Variants in NEK6 observed in about 807,000 individuals in gnomAD.
The protein encoded by NEK6 is NIMA related kinase 6, also known as serine/threonine-protein kinase Nek6.
A neutral mutation model predicts 43.5 loss-of-function variants in NEK6; 27 were observed. The ratio of observed to expected loss-of-function variants is 0.62; its 90% CI spans 0.46 to 0.86. The LOEUF (loss-of-function observed/expected upper bound fraction) is 0.86. Among genes scored for constraint, NEK6 ranks in the 40% least tolerant of loss-of-function variants. NEK6 has a pLI of 0.00. For synonymous variants in NEK6, 167 were observed against 164.1 expected, an observed-to-expected ratio of 1.02 and a Z score of -0.14; for missense variants, 318 against 414.4, an observed-to-expected ratio of 0.77 and a Z score of 2.02.
At chr9:124,284,948 G>T in intron 1 of NEK6, among the ~76,000 whole-genome samples, 1 of 152,242 alleles carries the variant, frequency 6.6e-6, no homozygotes, top group South Asian at 2.1e-4. Context: ...CATGGGGTGA[G>T]CCAGTGGACC....
intron 1 of NEK6, among the ~76,000 whole-genome samples, chr9:124,285,699 G>A (rs1453277019): frequency 2.0e-5 from 3 of 152,100 alleles, no homozygotes; most frequent in South Asian, 2.1e-4. Flanking sequence ...GGACAGAAAG[G>A]ACACGAGATA....
At chr9:124,346,364 G>A (rs1005871907) in intron 8 of NEK6, among the ~76,000 whole-genome samples, 3 of 152,148 alleles carry the variant, frequency 2.0e-5, no homozygotes, top group South Asian at 4.1e-4. Flanking sequence ...CCAAGCTGAC[G>A]GGCACCCTCA....
chr9:124,325,185 A>G (rs1182368629), intron 5 of NEK6, among the ~76,000 whole-genome samples: 1 of 151,548 alleles, frequency 6.6e-6, no homozygotes, highest in African/African-American at 2.4e-5. Context: ...AAAAAAAAAA[A>G]GAAGTGGGCT....
In NEK6 at chr9:124,350,851, C is replaced by T; in HGVS notation, c.846C>T (p.Val282=). 1 of 1,612,592 alleles carries T rather than the reference C, an allele frequency of 6.2e-7. No individual in the cohort carries two copies. The highest frequency in any genetic ancestry group is 8.5e-7 in the Non-Finnish European group (1 of 1,179,756). Residue 282 remains valine (V), a synonymous_variant, in exon 10 of 10, where the codon GTC becomes GTT. Transcript: ENST00000320246. ...CTCCCCTGCAGTTACGAGAACTGGTCAGCATGTGCATCTGCCCTGACCCCC... is the reference window on the plus strand; with the variant it reads ...CTCCCCTGCAGTTACGAGAACTGGTTAGCATGTGCATCTGCCCTGACCCCC... The part of the protein sequence containing the change: ...EHYSEKLREL[V]SMCICPDPHQ...
At chr9:124,283,270 A>T (rs1832004755) in intron 1 of NEK6, among the ~76,000 whole-genome samples, 2 of 152,204 alleles carry the variant, frequency 1.3e-5, no homozygotes, top group African/African-American at 4.8e-5. Flanking sequence ...TGAATGAGAG[A>T]GAGCATCTTG....
chr9:124,313,789 G>C, intron 3 of NEK6, 134 bp from the exon 4 acceptor site: 1 of 800,500 alleles, frequency 1.2e-6, no homozygotes, highest in South Asian at 1.6e-5. Context: ...GGGGCTGGGA[G>C]TGCAGGGGGG....
At chr9:124,340,838 C>CTT (rs1386733894) in intron 8 of NEK6, among the ~76,000 whole-genome samples, 2 of 152,246 alleles carry the variant, frequency 1.3e-5, no homozygotes, top group Admixed American at 6.5e-5. Flanking sequence ...ACTGTCGACT[C>CTT]TGAGGCTGAC....
At chr9:124,308,014 G>A (rs1265789520) in intron 2 of NEK6, among the ~76,000 whole-genome samples, 2 of 152,214 alleles carry the variant, frequency 1.3e-5, no homozygotes, top group Non-Finnish European at 2.9e-5. Flanking sequence ...CACGACTGGA[G>A]AATGACATGT....
In NEK6 at chr9:124,324,556, C is replaced by T. The variant is rs1056454514; in HGVS notation, c.406-1774C>T. ...GAAAATCACCACTCTCGGCCACGCG[C>T]GTCCCTGCTTAAATGCTGTAATGAG... On this transcript the variant is annotated intron_variant, in intron 5 of 9. Transcript: ENST00000320246. The surrounding 1 kb of genome is among the most constrained non-coding windows in gnomAD (Gnocchi z 5.3). 6.6e-6 allele frequency among the ~76,000 whole-genome samples: 1 copy of T among 152,174 alleles called. No homozygotes were observed. Among genetic ancestry groups the T allele is most frequent in the Non-Finnish European group, 1.5e-5 (1 of 68,028 alleles).
intron 1 of NEK6, among the ~76,000 whole-genome samples, chr9:124,263,757 G>A (rs1831123554): frequency 6.6e-6 from 1 of 152,196 alleles, no homozygotes; most frequent in African/African-American, 2.4e-5. Flanking sequence ...CTCCCAAAAC[G>A]GAAGGGAAGG....
At chr9:124,261,859 C>G (rs551349686) in intron 1 of NEK6, among the ~76,000 whole-genome samples, 2 of 152,096 alleles carry the variant, frequency 1.3e-5, no homozygotes, top group Non-Finnish European at 2.9e-5. Flanking sequence ...AGATCTTGTG[C>G]GAAGGCTCAG....
intron 1 of NEK6, among the ~76,000 whole-genome samples, chr9:124,290,428 G>A (rs1024067224): frequency 3.3e-5 from 5 of 152,254 alleles, no homozygotes; most frequent in South Asian, 2.1e-4. Context: ...AGTTGGGGCC[G>A]GCTGGTGGGA....
intron 1 of NEK6, chr9:124,293,159 C>G (rs760908936): frequency 2.2e-5 from 25 of 1,132,288 alleles, no homozygotes; most frequent in Non-Finnish European, 2.8e-5. Context: ...GATTAAAATG[C>G]AGACTTTGGA....
intron 7 of NEK6, 142 bp from the exon 8 acceptor site, chr9:124,339,429 G>T: frequency 1.4e-6 from 1 of 695,000 alleles, no homozygotes; most frequent in Non-Finnish European, 2.6e-6. Flanking sequence ...GAAGGCCCAG[G>T]CCCAGAGAGG....
chr9:124,270,568 T>C (rs768877881), intron 1 of NEK6, among the ~76,000 whole-genome samples: 3 of 152,230 alleles, frequency 2.0e-5, no homozygotes, highest in Non-Finnish European at 2.9e-5. Context: ...GCAATCTCTT[T>C]CCATCTGTCA....
intron 1 of NEK6, 155 bp downstream of exon 1, chr9:124,258,240 C>A: frequency 3.1e-6 from 3 of 982,570 alleles, no homozygotes; most frequent in Non-Finnish European, 3.6e-6. Flanking sequence ...CGAGTGTGGC[C>A]GCGCGGGGCT....
chr9:124,281,228 T>C (rs532939211), intron 1 of NEK6, among the ~76,000 whole-genome samples: 3 of 152,298 alleles, frequency 2.0e-5, no homozygotes, highest in Non-Finnish European at 2.9e-5. Flanking sequence ...ATTACCCTCA[T>C]GTTCACTGGA....
intron 1 of NEK6, among the ~76,000 whole-genome samples, chr9:124,271,381 G>A (rs1417360859): frequency 6.6e-6 from 1 of 152,248 alleles, no homozygotes; most frequent in Non-Finnish European, 1.5e-5. Flanking sequence ...CCAAAATGGG[G>A]AGGCTCAGCA....
intron 1 of NEK6, among the ~76,000 whole-genome samples, chr9:124,281,487 C>CTTTTTTTTTTTTTTT (rs759381068): frequency 9.7e-6 from 1 of 102,926 alleles, no homozygotes; most frequent in Non-Finnish European, 1.9e-5. Context: ...GCTGTTTTTT[C>CTTTTTTTTTTTTTTT]TTTTTTTTTT....
Sources: allele counts gnomAD v4.1 joint callset (sites outside exome capture counted in the v4.1 genomes callset), GRCh38; gene constraint gnomAD v4.1.1; non-coding constraint Gnocchi (gnomAD v3.1); transcripts MANE v1.5; gene names NCBI Gene and HGNC (gene_info 2026-07-23, HGNC 2026-07-21).